ASAP3: variants seen among roughly 807,000 people sequenced by gnomAD.
ASAP3 encodes the protein arf-GAP with SH3 domain, ANK repeat and PH domain-containing protein 3.
In ASAP3, 85 loss-of-function variants were observed where a neutral mutation model predicts 118.2. The observed-to-expected ratio is 0.72, with a 90% CI of 0.60 to 0.86. ASAP3 has a LOEUF of 0.86. ASAP3 is among the 40% of genes least tolerant of loss of function. ASAP3 has a pLI of 0.00. For missense variants in ASAP3, 1,026 were observed against 1,175.0 expected, an observed-to-expected ratio of 0.87 and a Z score of 1.85; for synonymous variants, 432 against 477.4, an observed-to-expected ratio of 0.90 and a Z score of 1.24.
intron 1 of ASAP3, among the ~76,000 whole-genome samples, chr1:23,467,380 T>C (rs1448975049): frequency 2.0e-5 from 3 of 152,060 alleles, no homozygotes; most frequent in African/African-American, 7.2e-5. Flanking sequence ...TTATAGCCAT[T>C]ATTAATCGAT....
In ASAP3 at chr1:23,437,123, G is replaced by T. The variant is rs772133941; in HGVS notation, c.1342+7C>A. 1.2e-6 allele frequency: 2 copies of T among 1,602,218 alleles called. No individual in the cohort carries two copies. The highest frequency in any genetic ancestry group is 1.7e-6 in the Non-Finnish European group (2 of 1,174,016). ...GCCTCCCTCCTGCCCCGGCCCCGGG[G>T]ACCGACCTGCAGCCCCGCAGTCGCA... On this transcript the variant is annotated splice_region_variant and intron_variant, in intron 14 of 24. Coordinates refer to ENST00000336689, the MANE Select transcript of ASAP3 (RefSeq NM_017707.4). The surrounding 1 kb of genome is among the most constrained non-coding windows in gnomAD (Gnocchi z 6.1).
At chr1:23,447,499 A>C (rs1641086760) in intron 5 of ASAP3, among the ~76,000 whole-genome samples, 1 of 152,178 alleles carries the variant, frequency 6.6e-6, no homozygotes, top group Non-Finnish European at 1.5e-5. Flanking sequence ...CTTCAGTTTC[A>C]AGCATCCACT....
At chr1:23,433,826 T>A in intron 19 of ASAP3, 133 bp from the exon 20 acceptor site, 1 of 1,137,018 alleles carries the variant, frequency 8.8e-7, no homozygotes, top group Non-Finnish European at 1.2e-6. Context: ...TATGTGACCA[T>A]AGGCAAGTTA....
chr1:23,441,846 CT>C, intron 7 of ASAP3, 116 bp from the exon 8 acceptor site: 1 of 1,108,014 alleles, frequency 9.0e-7, no homozygotes, highest in Admixed American at 2.1e-5. Flanking sequence ...GAATTGTAGT[CT>C]GACGGTCAAG....
chr1:23,435,669 G>T, intron 17 of ASAP3, 182 bp downstream of exon 17: 1 of 709,956 alleles, frequency 1.4e-6, no homozygotes, highest in Non-Finnish European at 2.5e-6. Context: ...AAAAAACAGA[G>T]CCAGGATTCC....
rs1240327691 is a variant in ASAP3 at position 23,429,894 on chromosome 1, TC to T, written c.2673del (p.Ser892ValfsTer99). 6.2e-7 allele frequency: 1 copy of T among 1,613,936 alleles called. No homozygotes were observed. Among genetic ancestry groups the T allele is most frequent in the Non-Finnish European group, 8.5e-7 (1 of 1,179,926 alleles). On this transcript the variant is annotated frameshift_variant, in exon 25 of 25. Coordinates refer to ENST00000336689, the MANE Select transcript of ASAP3 (RefSeq NM_017707.4). LOFTEE classifies it high-confidence loss of function. ...AGTTGCACAGAACTTGCTGGGAGAC[TC>T]CCAGTCCTTGAGCCATCTCCTTCAG... ...GITEGDGSRT[G>X]SLPASSVQLL...
Position 23,437,508 on chromosome 1 carries a change from A to G in ASAP3, c.1103-36T>C, listed in dbSNP as rs760256878. Reference sequence around the variant, plus strand: ...AGAAGGGGGCTTCTGACCCACAGAAATGCTGCTGGCCTTCCCGGAGCCCAG... The same window carrying G: ...AGAAGGGGGCTTCTGACCCACAGAAGTGCTGCTGGCCTTCCCGGAGCCCAG... On this transcript the variant is annotated intron_variant, in intron 12 of 24. Transcript: ENST00000336689. This position sits in a 1 kb window ranked among gnomAD's most constrained non-coding sequence, Gnocchi z 6.1. 6.2e-7 allele frequency: 1 copy of G among 1,613,054 alleles called. No homozygotes were observed. Among genetic ancestry groups the G allele is most frequent in the South Asian group, 1.1e-5 (1 of 90,958 alleles).
chr1:23,434,401 G>A (rs778111158), intron 18 of ASAP3, 32 bp from the exon 19 acceptor site: 1 of 1,611,656 alleles, frequency 6.2e-7, no homozygotes, highest in East Asian at 2.2e-5. Context: ...GAGAAAGGAA[G>A]GGGAACAGAT....
Position 23,438,399 on chromosome 1 carries a change from G to C in ASAP3, c.1102+348C>G, listed in dbSNP as rs1356306658. On this transcript the variant is annotated intron_variant, in intron 12 of 24. Coordinates refer to ENST00000336689, the MANE Select transcript of ASAP3 (RefSeq NM_017707.4). This position sits in a 1 kb window ranked among gnomAD's most constrained non-coding sequence, Gnocchi z 4.9. ...CACCAAAGGCTCTGAAGAACGAAAA[G>C]TAGAAAATGTAAAGAAACAATAATT... is the stretch of plus-strand genomic sequence containing the variant. Among the ~76,000 whole-genome samples the C allele has an allele frequency of 6.6e-6, 1 of 152,052 alleles. No individual in the cohort carries two copies. Among genetic ancestry groups the C allele is most frequent in the Non-Finnish European group, 1.5e-5 (1 of 68,028 alleles).
chr1:23,459,938 A>G (rs1006336809), intron 1 of ASAP3, among the ~76,000 whole-genome samples: 3 of 152,338 alleles, frequency 2.0e-5, no homozygotes, highest in Admixed American at 2.0e-4. Flanking sequence ...CCTAGAATAA[A>G]GACTACATTT....
chr1:23,452,718 C>A lies in ASAP3; in HGVS notation c.402G>T (p.Gly134=). 1 of 1,613,972 alleles carries A rather than the reference C, an allele frequency of 6.2e-7. No homozygotes were observed. Among genetic ancestry groups the A allele is most frequent in the Non-Finnish European group, 8.5e-7 (1 of 1,180,018 alleles). The change falls in exon 4 of 25, where the codon GGG becomes GGT. Residue 134 remains glycine, a synonymous_variant. Transcript: ENST00000336689. ...VSFPLDSLMK[G]QLRDGRQDSK... ...TCACCTGTCGACCGTCCCTCAGCTG[C>A]CCCTTCATCAGACTGTCCAGGGGGA...
intron 1 of ASAP3, among the ~76,000 whole-genome samples, chr1:23,458,183 G>C (rs1641449419): frequency 1.3e-5 from 2 of 152,166 alleles, no homozygotes; most frequent in South Asian, 4.1e-4. Context: ...TCATATTTGA[G>C]TTGGTTAAAA....
In ASAP3 at chr1:23,437,011, A is replaced by G. The variant is rs1231055850; in HGVS notation, c.1376T>C (p.Leu459Pro). 6.2e-7 allele frequency: 1 copy of G among 1,612,098 alleles called. No individual in the cohort carries two copies. Among genetic ancestry groups the G allele is most frequent in the Non-Finnish European group, 8.5e-7 (1 of 1,179,560 alleles). ...GACGCCCGAGCACTGGATGCAGGTG[A>G]GCACGCCCAGGTTGGTGCTGAGCCA... is the stretch of plus-strand genomic sequence containing the variant. Reference protein sequence around the residue: ...PTWLSTNLGVLTCIQCSGVHR... With the variant: ...PTWLSTNLGVPTCIQCSGVHR... The change falls in exon 15 of 25, where the codon CTC (leucine) becomes CCC (proline). Residue 459 changes from leucine to proline, a missense_variant. Transcript: ENST00000336689. This position sits in a 1 kb window ranked among gnomAD's most constrained non-coding sequence, Gnocchi z 6.1.
In ASAP3 at chr1:23,439,163, T is replaced by C; in HGVS notation, c.1012A>G (p.Thr338Ala). ...KYGCLTISHS[T>A]INRPPVKLTL... ...CTCCCACCACCTCTAGGCCTCACCGTGCTGTGTGAGATGGTCAGGCAGCCA... is the reference window on the plus strand; with the variant it reads ...CTCCCACCACCTCTAGGCCTCACCGCGCTGTGTGAGATGGTCAGGCAGCCA... Residue 338 changes from threonine to alanine, a missense_variant and splice_region_variant, in exon 11 of 25, where the codon ACG (threonine) becomes GCG (alanine). By Grantham distance (58) the Thr-to-Ala change is moderately conservative (BLOSUM62 0). Coordinates refer to ENST00000336689, the MANE Select transcript of ASAP3 (RefSeq NM_017707.4). 1 of 1,614,042 alleles carries C rather than the reference T, an allele frequency of 6.2e-7. No individual in the cohort carries two copies. Among genetic ancestry groups the C allele is most frequent in the Non-Finnish European group, 8.5e-7 (1 of 1,179,928 alleles).
rs1169146699 is a variant in ASAP3 at position 23,484,158 on chromosome 1, G to C, written c.-25C>G. The C allele has an allele frequency of 8.0e-7, 1 of 1,256,018 alleles. No homozygotes were observed. Among genetic ancestry groups the C allele is most frequent in the Admixed American group, 4.2e-5 (1 of 23,782 alleles). 77.8% of individuals were successfully genotyped at this position (1,256,018 alleles called of 1,614,324 possible). ...TGGCGGGCGCGAGCGTGGAGCTGCC[G>C]GAGCGGGGCGCGGGGGGCACTGAGC... On this transcript the variant is annotated 5_prime_UTR_variant, in exon 1 of 25. Transcript: ENST00000336689.
At chr1:23,472,281 G>T (rs941339388) in intron 1 of ASAP3, among the ~76,000 whole-genome samples, 1 of 152,184 alleles carries the variant, frequency 6.6e-6, no homozygotes, top group African/African-American at 2.4e-5. Flanking sequence ...GCAACCTAAG[G>T]GATTGTAGGG....
chr1:23,429,810 C>T lies in ASAP3; in HGVS notation c.*46G>A, dbSNP rs192394156. The stretch of plus-strand genomic sequence containing the variant: ...AGTTTTGTGAGCTCAAGTCCCAGCT[C>T]TGAACATTGGGGCCTAGCATGGGGC... On this transcript the variant is annotated 3_prime_UTR_variant, in exon 25 of 25. Transcript: ENST00000336689. 1.7e-4 allele frequency: 278 copies of T among 1,589,266 alleles called. 3 individuals are homozygous for T. The East Asian group carries it at 5.3e-3, about 30-fold the overall frequency.
At position 23,431,778 on chromosome 1, in the gene ASAP3, G is replaced by C. The variant is rs1570321358; in HGVS notation, c.2464C>G (p.Leu822Val). 1.3e-6 allele frequency: 2 copies of C among 1,533,520 alleles called. No homozygotes were observed. Among genetic ancestry groups the C allele is most frequent in the East Asian group, 4.7e-5 (2 of 42,608 alleles). The allele number at this position is 1,533,520 out of a possible 1,614,324, so 95.0% of individuals were successfully genotyped here. A position where few individuals can be genotyped will look rare whatever the true frequency, so the allele number is the denominator to read the frequency against. The stretch of plus-strand genomic sequence containing the variant: ...CTGGAGGTGCCTGGGGGCTCTCGGA[G>C]GCCCTCTTCAGAGTTGGGTGGGGCT... ...SQAPPNSEEG[L>V]REPPGTSRPS... The change falls in exon 23 of 25, where the codon CTC becomes GTC. Residue 822 changes from leucine to valine, a missense_variant. By Grantham distance (32) the Leu-to-Val change is conservative (BLOSUM62 1). Coordinates refer to ENST00000336689, the MANE Select transcript of ASAP3 (RefSeq NM_017707.4).
intron 1 of ASAP3, among the ~76,000 whole-genome samples, chr1:23,480,781 G>A (rs2811935): frequency 0.055 from 8,327 of 152,190 alleles, 717 homozygotes; most frequent in African/African-American, 0.18. Flanking sequence ...CCCTAGGCCC[G>A]GTTTCACCTG....
Sources: allele counts gnomAD v4.1 joint callset (sites outside exome capture counted in the v4.1 genomes callset), GRCh38; gene constraint gnomAD v4.1.1; non-coding constraint Gnocchi (gnomAD v3.1); transcripts MANE v1.5; gene names NCBI Gene and HGNC (gene_info 2026-07-23, HGNC 2026-07-21).